CACNA1A: variants seen among roughly 807,000 people sequenced by gnomAD.
CACNA1A encodes calcium voltage-gated channel subunit alpha1 A, also known as voltage-dependent P/Q-type calcium channel subunit alpha-1A.
In CACNA1A, 57 loss-of-function variants were observed where a neutral mutation model predicts 262.4. The observed-to-expected ratio is 0.22, with a 90% CI of 0.18 to 0.27. The LOEUF (loss-of-function observed/expected upper bound fraction) is 0.27. Among genes scored for constraint, CACNA1A ranks in the 10% least tolerant of loss-of-function variants. The probability of loss-of-function intolerance (pLI) is 1.00; values close to 1 mark genes in which losing one functional copy is unlikely to be tolerated. For missense variants in CACNA1A, 2,526 were observed against 3,562.8 expected (o/e 0.71, Z 7.41); for synonymous variants, 1,431 against 1,419.3 (o/e 1.01, Z -0.18).
intron 38 of CACNA1A, among the ~76,000 whole-genome samples, chr19:13,223,540 C>A (rs1393787019): frequency 6.6e-6 from 1 of 152,170 alleles, no homozygotes; most frequent in South Asian, 2.1e-4. Flanking sequence ...ATATCAGCAG[C>A]CCCCACACTG....
At chr19:13,453,099 T>C in intron 2 of CACNA1A, 84 bp from the exon 3 acceptor site, 4 of 1,407,480 alleles carry the variant, frequency 2.8e-6, no homozygotes, top group Non-Finnish European at 4.0e-6. Context: ...TAGAAATCAG[T>C]ACCTATCACC....
Position 13,317,232 on chromosome 19 carries a change from T to G in CACNA1A, c.1435A>C (p.Ile479Leu), listed in dbSNP as rs1817502702. The change falls in exon 11 of 47, where the codon ATC becomes CTC. Residue 479 changes from isoleucine to leucine, a missense_variant. By Grantham distance (5) the Ile-to-Leu change is conservative (BLOSUM62 2). Coordinates refer to ENST00000360228, the MANE Select transcript of CACNA1A (RefSeq NM_001127222.2). ...HKKERRMRFYIRRMVKTQAFY... is the reference protein window; with the variant it reads ...HKKERRMRFYLRRMVKTQAFY... ...GCCTGAGTTTTGACCATGCGGCGGA[T>G]GTAGAAACGCATCCTCCTCTCCTTT... 6.2e-7 allele frequency: 1 copy of G among 1,613,616 alleles called. No individual in the cohort carries two copies. Among genetic ancestry groups the G allele is most frequent in the African/African-American group, 1.3e-5 (1 of 74,916 alleles).
chr19:13,244,979 T>C lies in CACNA1A; in HGVS notation c.4950+203A>G, dbSNP rs189440485. The C allele has an allele frequency of 7.3e-5, 43 of 590,664 alleles. No homozygotes were observed. In the Admixed American group the frequency reaches 8.5e-4, roughly 12 times the overall value. The allele number at this position is 590,664 out of a possible 1,614,324, so 36.6% of individuals were successfully genotyped here. ...TGCTGGCCCTACAGCCAAGCTTTGG[T>C]TACCCCCATCTCCCCACAATGCCCT... On this transcript the variant is annotated intron_variant, in intron 31 of 46. Coordinates refer to ENST00000360228, the MANE Select transcript of CACNA1A (RefSeq NM_001127222.2).
intron 1 of CACNA1A, among the ~76,000 whole-genome samples, chr19:13,456,852 C>T (rs74560443): frequency 0.017 from 2,543 of 152,236 alleles, 63 homozygotes; most frequent in African/African-American, 0.056. Context: ...CGGGATACTG[C>T]TTCACATCCA....
chr19:13,329,251 C>G (rs1041643180), intron 10 of CACNA1A, among the ~76,000 whole-genome samples: 1 of 152,098 alleles, frequency 6.6e-6, no homozygotes, highest in African/African-American at 2.4e-5. Flanking sequence ...TCACACTGTT[C>G]CTTCTGCTAT....
At position 13,317,166 on chromosome 19, in the gene CACNA1A, G is replaced by A. The variant is rs890852957; in HGVS notation, c.1501C>T (p.Leu501=). Residue 501 remains leucine (L), a synonymous_variant, in exon 11 of 47, where the codon CTG becomes TTG. Coordinates refer to ENST00000360228, the MANE Select transcript of CACNA1A (RefSeq NM_001127222.2). The part of the protein sequence containing the change: ...TVLSLVALNT[L]CVAIVHYNQP... Reference sequence around the variant, plus strand: ...TTGTAGTGAACAATAGCAACACACAGCGTGTTGAGAGCTACCAAACTGAGT... The same window carrying A: ...TTGTAGTGAACAATAGCAACACACAACGTGTTGAGAGCTACCAAACTGAGT... 6.2e-7 allele frequency: 1 copy of A among 1,613,382 alleles called. No individual in the cohort carries two copies. The highest frequency in any genetic ancestry group is 1.1e-5 in the South Asian group (1 of 91,030).
chr19:13,391,050 C>A (rs540159320), intron 3 of CACNA1A, among the ~76,000 whole-genome samples: 102 of 152,256 alleles, frequency 6.7e-4, no homozygotes, highest in African/African-American at 2.5e-3. Flanking sequence ...CCATTCCTGG[C>A]TAATTTTTTG....
At chr19:13,232,539 G>C (rs2144633331) in intron 34 of CACNA1A, among the ~76,000 whole-genome samples, 1 of 151,498 alleles carries the variant, frequency 6.6e-6, no homozygotes, top group African/African-American at 2.4e-5. Context: ...AGACCATCCT[G>C]GCTAACATGG....
chr19:13,320,645 C>G (rs572395520), intron 10 of CACNA1A, among the ~76,000 whole-genome samples: 29 of 152,262 alleles, frequency 1.9e-4, no homozygotes, highest in African/African-American at 6.3e-4. Flanking sequence ...AATTGAACAC[C>G]TACTAAGTGC....
intron 1 of CACNA1A, among the ~76,000 whole-genome samples, chr19:13,461,032 A>G (rs2144977387): frequency 6.6e-6 from 1 of 152,138 alleles, no homozygotes; most frequent in African/African-American, 2.4e-5. Context: ...TCTATATAGT[A>G]GATGCTCAAA....
intron 24 of CACNA1A, among the ~76,000 whole-genome samples, chr19:13,268,390 G>A (rs1295207927): frequency 1.3e-5 from 2 of 151,932 alleles, no homozygotes; most frequent in Non-Finnish European, 2.9e-5. Context: ...TCGCCAAGCG[G>A]ACTCTATGGA....
chr19:13,400,257 A>G (rs1230764515), intron 3 of CACNA1A, among the ~76,000 whole-genome samples: 2 of 152,114 alleles, frequency 1.3e-5, no homozygotes, highest in Admixed American at 1.3e-4. Context: ...TCCCAAATCA[A>G]CTGATCATGT....
chr19:13,503,495 G>C (rs1784156744), intron 1 of CACNA1A, among the ~76,000 whole-genome samples: 1 of 151,412 alleles, frequency 6.6e-6, no homozygotes, highest in African/African-American at 2.4e-5. Context: ...GAAATATTTA[G>C]ATTAAAAAGT....
intron 3 of CACNA1A, among the ~76,000 whole-genome samples, chr19:13,413,889 G>GAA (rs202209692): frequency 1.1e-5 from 1 of 93,780 alleles, no homozygotes; most frequent in Non-Finnish European, 2.0e-5. Flanking sequence ...AAGAAAGAAA[G>GAA]AAAGAAAAAG....
chr19:13,362,187 C>T (rs556366937), intron 5 of CACNA1A: 1 of 152,122 alleles, frequency 6.6e-6, no homozygotes, highest in Non-Finnish European at 1.5e-5. Context: ...TACCACCACT[C>T]ATGGCTAATT....
At position 13,207,703 on chromosome 19, in the gene CACNA1A, G is replaced by A; in HGVS notation, c.7131C>T (p.Ser2377=). The change falls in exon 47 of 47, where the codon AGC becomes AGT. Residue 2377 remains serine (S), a synonymous_variant. Transcript: ENST00000360228. The surrounding 1 kb of genome is among the most constrained non-coding windows in gnomAD (Gnocchi z 5.7). ...CGTGTCGACAGGCCCTGGGGGACTC[G>A]CTCCGGGCCGGGCCTGGGACCCGCC... ...MERRVPGPAR[S]ESPRACRHGG... 2 of 1,368,506 alleles carry A rather than the reference G, an allele frequency of 1.5e-6. No homozygotes were observed. Among genetic ancestry groups the A allele is most frequent in the Non-Finnish European group, 1.9e-6 (2 of 1,063,756 alleles). The allele number at this position is 1,368,506 out of a possible 1,614,324, so 84.8% of individuals were successfully genotyped here. A position where few individuals can be genotyped will look rare whatever the true frequency, so the allele number is the denominator to read the frequency against.
At chr19:13,413,341 C>T (rs1034714933) in intron 3 of CACNA1A, among the ~76,000 whole-genome samples, 11 of 150,770 alleles carry the variant, frequency 7.3e-5, no homozygotes, top group East Asian at 2.0e-4. Flanking sequence ...CTCCTGACCT[C>T]GTGATCCGCC....
chr19:13,344,383 C>A (rs1253613435), intron 6 of CACNA1A, among the ~76,000 whole-genome samples: 1 of 152,172 alleles, frequency 6.6e-6, no homozygotes, highest in Non-Finnish European at 1.5e-5. Context: ...ATGCCTGGAG[C>A]AACTCTGCCT....
chr19:13,428,555 TG>T (rs879422047), intron 3 of CACNA1A, among the ~76,000 whole-genome samples: 10 of 152,174 alleles, frequency 6.6e-5, no homozygotes, highest in Admixed American at 2.0e-4. Flanking sequence ...GGCCCCCTAG[TG>T]GGCATATTAC....
Sources: allele counts gnomAD v4.1 joint callset (sites outside exome capture counted in the v4.1 genomes callset), GRCh38; gene constraint gnomAD v4.1.1; non-coding constraint Gnocchi (gnomAD v3.1); transcripts MANE v1.5; gene names NCBI Gene and HGNC (gene_info 2026-07-23, HGNC 2026-07-21).